Variants in GINS3 observed in about 807,000 individuals in gnomAD.
GINS3 encodes the protein GINS complex subunit 3, also known as DNA replication complex GINS protein PSF3.
Under a neutral mutation model 20.0 loss-of-function variants are expected in GINS3, and 18 were observed. The ratio of observed to expected loss-of-function variants is 0.90; its 90% CI spans 0.62 to 1.33. The LOEUF (loss-of-function observed/expected upper bound fraction) is 1.33, where lower values mean the gene tolerates loss of function less well. Among genes scored for constraint, GINS3 ranks in the 40% most tolerant of loss-of-function variants. GINS3 has a pLI of 0.00. For synonymous variants in GINS3, 109 were observed against 107.0 expected (o/e 1.02, Z -0.12); for missense variants, 254 against 273.6 (o/e 0.93, Z 0.51).
chr16:58,404,812 C>T lies in GINS3; in HGVS notation c.*83C>T. On this transcript the variant is annotated 3_prime_UTR_variant, in exon 3 of 3. Coordinates refer to ENST00000318129, the MANE Select transcript of GINS3 (RefSeq NM_022770.4). Reference sequence around the variant, plus strand: ...AGGAGCTGGTTGACCTTGTACAGAACCAGAATCCTGTCCCATTTCATGGCT... The same window carrying T: ...AGGAGCTGGTTGACCTTGTACAGAATCAGAATCCTGTCCCATTTCATGGCT... The T allele has an allele frequency of 1.1e-6, 1 of 937,570 alleles. No individual in the cohort carries two copies. The highest frequency in any genetic ancestry group is 2.1e-5 in the Admixed American group (1 of 46,602). The allele number at this position is 937,570 out of a possible 1,614,324, so 58.1% of individuals were successfully genotyped here. A position where few individuals can be genotyped will look rare whatever the true frequency, so the allele number is the denominator to read the frequency against.
intron 1 of GINS3, among the ~76,000 whole-genome samples, chr16:58,396,592 G>A (rs1390334009): frequency 8.3e-5 from 3 of 36,136 alleles, no homozygotes; most frequent in African/African-American, 2.8e-4. Context: ...CCTCCCGGAC[G>A]GGGCGGCTGG....
chr16:58,404,642 T>C lies in GINS3; in HGVS notation c.564T>C (p.Cys188=), dbSNP rs763072571. 16 of 1,614,102 alleles carry C rather than the reference T, an allele frequency of 9.9e-6. No homozygotes were observed. The highest frequency in any genetic ancestry group is 3.3e-5 in the Admixed American group (2 of 60,010). ...TGQKGLNDFQ[C]WEKGQASQIT... Reference sequence around the variant, plus strand: ...AGAAAGGACTGAATGACTTTCAGTGTTGGGAGAAGGGGCAGGCTTCTCAGA... The same window carrying C: ...AGAAAGGACTGAATGACTTTCAGTGCTGGGAGAAGGGGCAGGCTTCTCAGA... Residue 188 remains cysteine, a synonymous_variant, in exon 3 of 3, where the codon TGT becomes TGC. Coordinates refer to ENST00000318129, the MANE Select transcript of GINS3 (RefSeq NM_022770.4).
chr16:58,399,762 G>C (rs1965930417), intron 1 of GINS3, among the ~76,000 whole-genome samples: 1 of 151,414 alleles, frequency 6.6e-6, no homozygotes, highest in Non-Finnish European at 1.5e-5. Flanking sequence ...AGTTTATTTA[G>C]TTATATATTC....
At chr16:58,402,618 T>C (rs1269778955) in intron 1 of GINS3, among the ~76,000 whole-genome samples, 1 of 152,178 alleles carries the variant, frequency 6.6e-6, no homozygotes, top group African/African-American at 2.4e-5. Flanking sequence ...ATGTGTGCTG[T>C]CATCTCTGAA....
intron 1 of GINS3, among the ~76,000 whole-genome samples, chr16:58,393,915 C>G (rs934806697): frequency 5.3e-5 from 8 of 152,042 alleles, no homozygotes; most frequent in Non-Finnish European, 1.2e-4. Flanking sequence ...CCCACTTCCC[C>G]CTCCAAGTCC....
At chr16:58,402,189 A>G (rs1192237474) in intron 1 of GINS3, among the ~76,000 whole-genome samples, 2 of 152,156 alleles carry the variant, frequency 1.3e-5, no homozygotes, top group South Asian at 2.1e-4. Flanking sequence ...GATTTAATCT[A>G]TTGACTTCTT....
At position 58,392,553 on chromosome 16, in the gene GINS3, G is replaced by A; in HGVS notation, c.-49G>A. On this transcript the variant is annotated 5_prime_UTR_variant, in exon 1 of 3. Transcript: ENST00000318129. Reference sequence around the variant, plus strand: ...CGTCTTGTACACCCCTAACTCCTGAGGCTCCTCCGAATCACGCGAGTGGAA... The same window carrying A: ...CGTCTTGTACACCCCTAACTCCTGAAGCTCCTCCGAATCACGCGAGTGGAA... 3 of 1,599,250 alleles carry A rather than the reference G, an allele frequency of 1.9e-6. No homozygotes were observed. Among genetic ancestry groups the A allele is most frequent in the Non-Finnish European group, 2.6e-6 (3 of 1,169,428 alleles).
rs545411397 is a variant in GINS3, at chr16:58,394,015, T to C, written c.186+1228T>C. Among the ~76,000 whole-genome samples the C allele has an allele frequency of 9.2e-5, 14 of 152,274 alleles. No individual in the cohort carries two copies. In the South Asian group the frequency reaches 2.9e-3, roughly 32 times the overall value. On this transcript the variant is annotated intron_variant, in intron 1 of 2. Transcript: ENST00000318129. The stretch of plus-strand genomic sequence containing the variant: ...TCTTAAACTTACCTTGTTGGGTTGT[T>C]TTTTTTAATGTAGACATTATCTGTT...
At chr16:58,399,398 T>C (rs1965925879) in intron 1 of GINS3, among the ~76,000 whole-genome samples, 1 of 152,220 alleles carries the variant, frequency 6.6e-6, no homozygotes, top group Admixed American at 6.6e-5. Flanking sequence ...AATTTTCTGG[T>C]AGATATAATG....
chr16:58,400,297 G>A (rs374945300), intron 1 of GINS3, among the ~76,000 whole-genome samples: 2 of 152,208 alleles, frequency 1.3e-5, no homozygotes, highest in East Asian at 3.8e-4. Context: ...TCCTCTCCTA[G>A]TGGAGTCACA....
At chr16:58,395,335 A>T (rs144290609) in intron 1 of GINS3, 23,864 of 150,612 alleles carry the variant, frequency 0.16, 1,685 homozygotes, top group Non-Finnish European at 0.2. Context: ...ATATATATAT[A>T]TATTTTTTTT....
At chr16:58,404,267 G>GT in intron 2 of GINS3, 1 of 541,918 alleles carries the variant, frequency 1.8e-6, no homozygotes, top group Non-Finnish European at 3.3e-6. Context: ...GTATTCATTG[G>GT]TTTTCTTAAC....
chr16:58,392,514 A>G lies in GINS3; in HGVS notation c.-88A>G. The G allele has an allele frequency of 7.0e-7, 1 of 1,422,966 alleles. No individual in the cohort carries two copies. The highest frequency in any genetic ancestry group is 9.7e-7 in the Non-Finnish European group (1 of 1,032,650). 88.1% of individuals were successfully genotyped at this position (1,422,966 alleles called of 1,614,324 possible). ...TTTCCTGACCCCAACCATCCTGCCC[A>G]GTCTCCGCTTCCCCGTCTTGTACAC... On this transcript the variant is annotated 5_prime_UTR_variant, in exon 1 of 3. Coordinates refer to ENST00000318129, the MANE Select transcript of GINS3 (RefSeq NM_022770.4).
rs1462386021 is a variant in GINS3, at chr16:58,404,596, G to A, written c.518G>A (p.Arg173Lys). The change falls in exon 3 of 3, where the codon AGG becomes AAG. Residue 173 changes from arginine to lysine, a missense_variant. Physicochemically the swap from Arg to Lys is conservative, Grantham distance 26. Transcript: ENST00000318129. ...GTAGCCAGGCTAGACGAGATGGAGA[G>A]GGGCTTATTTCAAACAGGGCAGAAA... ...ALVARLDEME[R>K]GLFQTGQKGL... 1 of 1,614,158 alleles carries A rather than the reference G, an allele frequency of 6.2e-7. No individual in the cohort carries two copies.
rs1252801614 is a variant in GINS3, at chr16:58,392,569, G to T, written c.-33G>T. On this transcript the variant is annotated 5_prime_UTR_variant, in exon 1 of 3. Transcript: ENST00000318129. The stretch of plus-strand genomic sequence containing the variant: ...AACTCCTGAGGCTCCTCCGAATCAC[G>T]CGAGTGGAAGCGGAGAAGCTCAAGT... 6.2e-7 allele frequency: 1 copy of T among 1,609,430 alleles called. No homozygotes were observed. The highest frequency in any genetic ancestry group is 1.1e-5 in the South Asian group (1 of 90,674).
chr16:58,392,778 G>T lies in GINS3; in HGVS notation c.177G>T (p.Ala59=). Residue 59 remains alanine, a synonymous_variant, in exon 1 of 3, where the codon GCG becomes GCT. Coordinates refer to ENST00000318129, the MANE Select transcript of GINS3 (RefSeq NM_022770.4). ...ERSAGAETDN[A]VPQGSKLELP... ...GCGCAGGCGCCGAGACTGACAACGC[G>T]GTCCCACAGGTGAGCCTTTGGGTGC... 1 of 1,605,428 alleles carries T rather than the reference G, an allele frequency of 6.2e-7. No homozygotes were observed.
intron 1 of GINS3, among the ~76,000 whole-genome samples, chr16:58,401,725 C>T (rs998019809): frequency 8.5e-5 from 13 of 152,246 alleles, no homozygotes; most frequent in Non-Finnish European, 4.4e-5. Flanking sequence ...CGTGAGCCAC[C>T]GGCCCCTGCC....
intron 1 of GINS3, among the ~76,000 whole-genome samples, chr16:58,396,720 T>C (rs1403787819): frequency 6.0e-3 from 231 of 38,588 alleles, no homozygotes; most frequent in African/African-American, 6.2e-3. Context: ...GGGGCTGACC[T>C]CCCCACCTCC....
Position 58,403,088 on chromosome 16 carries a change from C to A in GINS3, c.187-10C>A, listed in dbSNP as rs774770470. 1.2e-6 allele frequency: 2 copies of A among 1,606,386 alleles called. No individual in the cohort carries two copies. The highest frequency in any genetic ancestry group is 1.7e-5 in the Admixed American group (1 of 59,934). ...TCTGTTTTTAAAATCTACATTCATG[C>A]ATGCTGCAGGGTTCCAAGCTTGAAC... On this transcript the variant is annotated splice_polypyrimidine_tract_variant and intron_variant, in intron 1 of 2. Coordinates refer to ENST00000318129, the MANE Select transcript of GINS3 (RefSeq NM_022770.4).
Sources: allele counts gnomAD v4.1 joint callset (sites outside exome capture counted in the v4.1 genomes callset), GRCh38; gene constraint gnomAD v4.1.1; transcripts MANE v1.5; gene names NCBI Gene and HGNC (gene_info 2026-07-23, HGNC 2026-07-21).